EML6: variants seen among roughly 807,000 people sequenced by gnomAD.
The protein encoded by EML6 is EMAP like 6, also known as echinoderm microtubule-associated protein-like 6.
A neutral mutation model predicts 240.1 loss-of-function variants in EML6; 154 were observed. The observed-to-expected ratio is 0.64, with a 90% CI of 0.56 to 0.73. The LOEUF is 0.73. Ranked by LOEUF, EML6 falls within the 30% of genes least tolerant of loss-of-function variation. The pLI is 0.00. For missense variants in EML6, 2,964 were observed against 2,474.6 expected (o/e 1.20, Z -4.20); for synonymous variants, 1,148 against 899.0 (o/e 1.28, Z -4.95).
chr2:54,874,072 T>C (rs1671387606), intron 16 of EML6, among the ~76,000 whole-genome samples: 1 of 152,260 alleles, frequency 6.6e-6, no homozygotes, highest in Non-Finnish European at 1.5e-5. Context: ...TAGAGTTGAT[T>C]AATTTTCTAT....
chr2:54,868,966 C>G (rs941474810), intron 14 of EML6: 1 of 472,800 alleles, frequency 2.1e-6, no homozygotes, highest in East Asian at 3.1e-5. Flanking sequence ...CTAACAGATT[C>G]TGTTACAATG....
intron 17 of EML6, among the ~76,000 whole-genome samples, chr2:54,888,891 G>T (rs1180445770): frequency 3.9e-5 from 6 of 152,192 alleles, no homozygotes; most frequent in Non-Finnish European, 7.3e-5. Context: ...GAATGTAATT[G>T]CTGGTCGTAT....
At chr2:54,845,995 A>G (rs565823110) in intron 8 of EML6, among the ~76,000 whole-genome samples, 11 of 152,320 alleles carry the variant, frequency 7.2e-5, no homozygotes, top group South Asian at 4.1e-4. Context: ...CCTTATTTCT[A>G]TCTTCAGATG....
Position 54,844,178 on chromosome 2 carries a change from G to A in EML6, c.979G>A (p.Glu327Lys). 6.4e-7 allele frequency: 1 copy of A among 1,551,740 alleles called. No individual in the cohort carries two copies. The highest frequency in any genetic ancestry group is 8.7e-7 in the Non-Finnish European group (1 of 1,146,998). Residue 327 changes from glutamate (E) to lysine (K), a missense_variant, in exon 8 of 42, where the codon GAG becomes AAG. Transcript: ENST00000356458. ...GATCCTACAGGGCCACTGCGAGGGT[G>A]AGCTCTGGGCTCTGGCCCTGCACCC... ...MLILQGHCEG[E>K]LWALALHPKK... is the part of the protein sequence containing the mutation.
chr2:54,809,788 C>A (rs187572252), intron 2 of EML6, among the ~76,000 whole-genome samples: 1 of 152,260 alleles, frequency 6.6e-6, no homozygotes, highest in African/African-American at 2.4e-5. Context: ...GTGAGCTTTT[C>A]TCCTTTTTTG....
intron 24 of EML6, among the ~76,000 whole-genome samples, chr2:54,907,945 TA>T (rs11352765): frequency 0.21 from 4,192 of 19,902 alleles, 59 homozygotes; most frequent in East Asian, 0.25. Flanking sequence ...GATAGATAGA[TA>T]AGATAGATAG....
intron 21 of EML6, among the ~76,000 whole-genome samples, chr2:54,898,255 G>A (rs570956686): frequency 6.6e-6 from 1 of 152,074 alleles, no homozygotes; most frequent in Non-Finnish European, 1.5e-5. Context: ...GTGTTACACG[G>A]GGATTAAAAT....
intron 16 of EML6, among the ~76,000 whole-genome samples, chr2:54,877,423 C>T (rs17046433): frequency 0.019 from 2,940 of 151,506 alleles, 92 homozygotes; most frequent in African/African-American, 0.068. Context: ...TAGTGTGATA[C>T]TTACAAAGGA....
intron 15 of EML6, among the ~76,000 whole-genome samples, chr2:54,870,161 G>A (rs943317301): frequency 2.0e-5 from 3 of 152,200 alleles, no homozygotes; most frequent in Admixed American, 6.5e-5. Flanking sequence ...AGGTTAACAT[G>A]AGACAAGCCC....
rs1163957216 is a variant in EML6 at position 54,725,174 on chromosome 2, A to G, written c.113A>G (p.Tyr38Cys). Residue 38 changes from tyrosine (Y) to cysteine (C), a missense_variant, in exon 2 of 42, where the codon TAC becomes TGC. Transcript: ENST00000356458. The surrounding 1 kb of genome is among the most constrained non-coding windows in gnomAD (Gnocchi z 4.3). ...TACACGGCAGGCAAGGAGGTGGTCT[A>G]CTTTGTGGCTGGGGTCGGGGTGGTT... The part of the protein sequence containing the change: ...LYYTAGKEVV[Y>C]FVAGVGVVYN... 1.3e-6 allele frequency: 2 copies of G among 1,531,024 alleles called. No homozygotes were observed. Among genetic ancestry groups the G allele is most frequent in the Non-Finnish European group, 1.8e-6 (2 of 1,136,838 alleles). 94.8% of individuals were successfully genotyped at this position (1,531,024 alleles called of 1,614,324 possible). A position where few individuals can be genotyped will look rare whatever the true frequency, so the allele number is the denominator to read the frequency against.
At position 54,725,075 on chromosome 2, in the gene EML6, C is replaced by T; in HGVS notation, c.14C>T (p.Thr5Met). Residue 5 changes from threonine to methionine, a missense_variant, in exon 2 of 42, where the codon ACG (threonine) becomes ATG (methionine). Physicochemically the swap from Thr to Met is moderately conservative, Grantham distance 81. Transcript: ENST00000356458. This position sits in a 1 kb window ranked among gnomAD's most constrained non-coding sequence, Gnocchi z 4.3. ...GGTCGGCTTATCATGGCGGATCGGA[C>T]GGCGCCCCGCTGCCAGCTCCGGCTG... is the stretch of plus-strand genomic sequence containing the variant. MADR[T>M]APRCQLRLEW... 5.2e-6 allele frequency: 8 copies of T among 1,526,388 alleles called. No individual in the cohort carries two copies. The highest frequency in any genetic ancestry group is 7.0e-6 in the Non-Finnish European group (8 of 1,136,816). 94.6% of individuals were successfully genotyped at this position (1,526,388 alleles called of 1,614,324 possible).
chr2:54,945,087 T>C (rs1272667518), intron 28 of EML6, among the ~76,000 whole-genome samples: 1 of 82,812 alleles, frequency 1.2e-5, no homozygotes, highest in Non-Finnish European at 2.5e-5. Context: ...CATTCCTCCC[T>C]CTCTCCCTCC....
At chr2:54,843,641 G>A (rs1242807697) in intron 7 of EML6, among the ~76,000 whole-genome samples, 3 of 151,932 alleles carry the variant, frequency 2.0e-5, no homozygotes, top group Non-Finnish European at 4.4e-5. Flanking sequence ...TCAGGAGATC[G>A]AGACCATCCT....
chr2:54,936,577 A>G (rs924204269), intron 28 of EML6, among the ~76,000 whole-genome samples: 6 of 152,202 alleles, frequency 3.9e-5, no homozygotes, highest in Admixed American at 2.0e-4. Flanking sequence ...CTTAACCTTT[A>G]TGTTTTGAAG....
chr2:54,793,403 T>G (rs866230513), intron 2 of EML6, among the ~76,000 whole-genome samples: 6 of 146,326 alleles, frequency 4.1e-5, no homozygotes, highest in Non-Finnish European at 9.0e-5. Context: ...TTTTTTTTTT[T>G]GGGTCCCAGC....
At chr2:54,772,462 A>C (rs1448565564) in intron 2 of EML6, among the ~76,000 whole-genome samples, 4 of 152,212 alleles carry the variant, frequency 2.6e-5, no homozygotes. Context: ...GTCAAGTTAA[A>C]TACTATGGAA....
chr2:54,851,918 AGGGAT>A (rs1167778742), intron 10 of EML6, among the ~76,000 whole-genome samples: 2 of 152,242 alleles, frequency 1.3e-5, no homozygotes, highest in African/African-American at 4.8e-5. Flanking sequence ...ACAGATATCC[AGGGAT>A]AGTCGGCTAC....
intron 2 of EML6, among the ~76,000 whole-genome samples, chr2:54,783,721 A>C (rs1241439722): frequency 6.6e-6 from 1 of 152,214 alleles, no homozygotes; most frequent in African/African-American, 2.4e-5. Flanking sequence ...AAGATTTTTA[A>C]AAATGAGATT....
intron 13 of EML6, among the ~76,000 whole-genome samples, chr2:54,864,904 A>G (rs373278072): frequency 6.6e-6 from 1 of 152,202 alleles, no homozygotes; most frequent in Non-Finnish European, 1.5e-5. Flanking sequence ...AGACAGTTTA[A>G]TGGTTTGGGT....
Sources: gnomAD v4.1 joint callset for allele counts (sites outside exome capture counted in the v4.1 genomes callset) on GRCh38, gnomAD v4.1.1 for gene constraint, Gnocchi (gnomAD v3.1) non-coding constraint, MANE v1.5 for transcripts, NCBI Gene and HGNC (gene_info 2026-07-23, HGNC 2026-07-21) for gene names.